Variants in DET1 observed in about 807,000 individuals in gnomAD.
DET1 encodes DET1 partner of COP1 E3 ubiquitin ligase, also known as DET1 homolog.
In DET1, 22 loss-of-function variants were observed where a neutral mutation model predicts 43.7. That is an observed-to-expected ratio of 0.50 (90% CI 0.36 to 0.72). DET1 has a LOEUF of 0.72. Among genes scored for constraint, DET1 ranks in the 30% least tolerant of loss-of-function variants. The pLI is 0.00. For synonymous variants in DET1, 315 were observed against 266.2 expected (o/e 1.18, Z -1.79); for missense variants, 713 against 713.3 (o/e 1.00, Z 0.00).
intron 3 of DET1, among the ~76,000 whole-genome samples, chr15:88,521,505 CTT>C (rs1184605309): frequency 6.6e-6 from 1 of 152,320 alleles, no homozygotes; most frequent in African/African-American, 2.4e-5. Context: ...TCAAGACTCT[CTT>C]TGCCTCTCTC....
At chr15:88,517,769 C>T (rs974550938) in intron 3 of DET1, among the ~76,000 whole-genome samples, 2 of 152,178 alleles carry the variant, frequency 1.3e-5, no homozygotes, top group African/African-American at 4.8e-5. Context: ...AAATAAATTA[C>T]GCATTCTTTG....
intron 3 of DET1, among the ~76,000 whole-genome samples, chr15:88,523,746 T>TGG (rs2056571166): frequency 1.3e-5 from 2 of 152,226 alleles, no homozygotes; most frequent in Non-Finnish European, 2.9e-5. Context: ...CAGTGCTCAA[T>TGG]CTTGCCCAGG....
chr15:88,543,709 C>T (rs184305380), intron 1 of DET1, among the ~76,000 whole-genome samples: 6 of 152,242 alleles, frequency 3.9e-5, no homozygotes, highest in Admixed American at 6.5e-5. Flanking sequence ...TCAGGCTCTC[C>T]GATGGGGTAA....
At chr15:88,541,074 T>C (rs1268005015) in intron 1 of DET1, among the ~76,000 whole-genome samples, 1 of 81,694 alleles carries the variant, frequency 1.2e-5, no homozygotes, top group Non-Finnish European at 2.2e-5. Flanking sequence ...GGCAATGGAA[T>C]GTCTCGGTAT....
chr15:88,544,477 C>A (rs189062257), intron 1 of DET1, among the ~76,000 whole-genome samples: 1 of 152,212 alleles, frequency 6.6e-6, no homozygotes, highest in African/African-American at 2.4e-5. Context: ...ATCTCCCCAA[C>A]AGGTACAAGA....
intron 1 of DET1, among the ~76,000 whole-genome samples, chr15:88,537,693 G>T (rs144082636): frequency 4.7e-4 from 72 of 152,304 alleles, no homozygotes; most frequent in African/African-American, 1.6e-3. Flanking sequence ...GCTCATCACA[G>T]TGTTTGACAC....
At chr15:88,538,539 CTGAG>C (rs1264735591) in intron 1 of DET1, among the ~76,000 whole-genome samples, 2 of 152,020 alleles carry the variant, frequency 1.3e-5, no homozygotes, top group African/African-American at 2.4e-5. Flanking sequence ...TTCCTCAGGG[CTGAG>C]AGAATTTTGA....
downstream of DET1, among the ~76,000 whole-genome samples, chr15:88,507,868 C>T (rs928336251): frequency 6.6e-6 from 1 of 152,216 alleles, no homozygotes; most frequent in Non-Finnish European, 1.5e-5. Context: ...TACCTGTCCA[C>T]GGACTGTTAG....
chr15:88,535,958 A>G (rs2056938420), intron 1 of DET1, among the ~76,000 whole-genome samples: 1 of 152,226 alleles, frequency 6.6e-6, no homozygotes, highest in Admixed American at 6.5e-5. Context: ...ACCCTCAAAT[A>G]TGATAAATCC....
intron 1 of DET1, among the ~76,000 whole-genome samples, chr15:88,532,242 G>C (rs555913801): frequency 5.6e-4 from 85 of 152,314 alleles, no homozygotes; most frequent in African/African-American, 1.8e-3. Context: ...CATCGAAGCT[G>C]CAATAAGCCG....
At chr15:88,526,350 A>C (rs1263738007) in intron 3 of DET1, among the ~76,000 whole-genome samples, 1 of 152,234 alleles carries the variant, frequency 6.6e-6, no homozygotes, top group African/African-American at 2.4e-5. Flanking sequence ...CAATTTAAGG[A>C]TGTGAAATAT....
At position 88,530,908 on chromosome 15, in the gene DET1, G is replaced by A; in HGVS notation, c.798C>T (p.Leu266=). The change falls in exon 2 of 5, where the codon CTC becomes CTT. Residue 266 remains leucine (L), a synonymous_variant. Transcript: ENST00000268148. The stretch of plus-strand genomic sequence containing the variant: ...CCTCAGGGAAAACAGCTGACACAGT[G>A]AGCAGGTCATCCTCATAGCAAAAGC... ...IGRFCYEDDL[L]TVSAVFPEVQ... is the part of the protein sequence containing the mutation. 6.2e-7 allele frequency: 1 copy of A among 1,614,016 alleles called. No homozygotes were observed. Among genetic ancestry groups the A allele is most frequent in the South Asian group, 1.1e-5 (1 of 91,072 alleles).
chr15:88,521,137 C>T (rs905509703), intron 3 of DET1, among the ~76,000 whole-genome samples: 5 of 152,228 alleles, frequency 3.3e-5, no homozygotes, highest in Non-Finnish European at 7.3e-5. Context: ...CTCTGCCCCT[C>T]GCTCACTCCA....
At chr15:88,539,307 G>A (rs1488202571) in intron 1 of DET1, among the ~76,000 whole-genome samples, 1 of 152,020 alleles carries the variant, frequency 6.6e-6, no homozygotes, top group Non-Finnish European at 1.5e-5. Context: ...CAAGGCTTAA[G>A]GCAGCATCGG....
intron 4 of DET1, among the ~76,000 whole-genome samples, chr15:88,515,732 G>A (rs1391363595): frequency 6.6e-6 from 1 of 151,894 alleles, no homozygotes; most frequent in Non-Finnish European, 1.5e-5. Flanking sequence ...GGGTAATGGT[G>A]TTACTTGTTT....
In DET1 at chr15:88,536,905, G is replaced by T. The variant is rs541422039; in HGVS notation, c.-10-5190C>A. 5.9e-5 allele frequency among the ~76,000 whole-genome samples: 9 copies of T among 152,172 alleles called. No individual in the cohort carries two copies. The South Asian group carries it at 1.7e-3, about 28-fold the overall frequency. On this transcript the variant is annotated intron_variant, in intron 1 of 4. Coordinates refer to ENST00000268148, the MANE Select transcript of DET1 (RefSeq NM_001144074.3). ...AAGTGGTTAGAGCACAGGAAGCACA[G>T]AGTGAGTGATAAGAGAGGCCTAGAA...
chr15:88,535,421 G>A (rs762731158), intron 1 of DET1, among the ~76,000 whole-genome samples: 20 of 148,812 alleles, frequency 1.3e-4, no homozygotes, highest in Admixed American at 6.1e-4. Context: ...CCCTGATCTT[G>A]AGGAGTAGAA....
Position 88,516,151 on chromosome 15 carries a change from G to A in DET1, c.1463+631C>T, listed in dbSNP as rs2056339940. ...ATAGCCTCAGGAACACACCCCCCTT[G>A]AGATAACTCCACTAGTGACAATAAT... On this transcript the variant is annotated intron_variant, in intron 4 of 4. Coordinates refer to ENST00000268148, the MANE Select transcript of DET1 (RefSeq NM_001144074.3). The surrounding 1 kb of genome is among the most constrained non-coding windows in gnomAD (Gnocchi z 4.4). Among the ~76,000 whole-genome samples the A allele has an allele frequency of 6.6e-6, 1 of 152,106 alleles. No individual in the cohort carries two copies. The highest frequency in any genetic ancestry group is 2.1e-4 in the South Asian group (1 of 4,830).
At chr15:88,518,434 C>T (rs538709687) in intron 3 of DET1, among the ~76,000 whole-genome samples, 1 of 152,198 alleles carries the variant, frequency 6.6e-6, no homozygotes, top group East Asian at 1.9e-4. Context: ...AAATGTTTAT[C>T]ACATTTACAA....
Sources: gnomAD v4.1 joint callset for allele counts (sites outside exome capture counted in the v4.1 genomes callset) on GRCh38, gnomAD v4.1.1 for gene constraint, Gnocchi (gnomAD v3.1) non-coding constraint, MANE v1.5 for transcripts, NCBI Gene and HGNC (gene_info 2026-07-23, HGNC 2026-07-21) for gene names.